ASTN1: variants seen among roughly 807,000 people sequenced by gnomAD.
ASTN1 encodes astrotactin 1.
In ASTN1, 41 loss-of-function variants were observed where a neutral mutation model predicts 140.7. The ratio of observed to expected loss-of-function variants is 0.29; its 90% CI spans 0.23 to 0.38. The LOEUF (loss-of-function observed/expected upper bound fraction) is 0.38, where lower values mean the gene tolerates loss of function less well. Ranked by LOEUF, ASTN1 falls within the 10% of genes least tolerant of loss-of-function variation. ASTN1 has a pLI of 1.00. For synonymous variants in ASTN1, 640 were observed against 652.2 expected (o/e 0.98, Z 0.29); for missense variants, 1,479 against 1,678.8 (o/e 0.88, Z 2.08).
chr1:177,140,030 C>T (rs972216513), intron 1 of ASTN1, among the ~76,000 whole-genome samples: 5 of 152,116 alleles, frequency 3.3e-5, no homozygotes, highest in Admixed American at 1.3e-4. Context: ...CCCCAAACAC[C>T]ACCATTTTGA....
chr1:177,111,321 A>G (rs1385151820), intron 1 of ASTN1, among the ~76,000 whole-genome samples: 1 of 152,160 alleles, frequency 6.6e-6, no homozygotes, highest in Admixed American at 6.5e-5. Context: ...AATGCTGCCA[A>G]TTGAGAGAGG....
intron 16 of ASTN1, among the ~76,000 whole-genome samples, chr1:176,908,320 C>A (rs1332081037): frequency 6.6e-6 from 1 of 152,162 alleles, no homozygotes; most frequent in Non-Finnish European, 1.5e-5. Context: ...CAAATAAGGA[C>A]ATGGTCTATA....
chr1:176,979,930 T>A (rs1055236663), intron 8 of ASTN1, among the ~76,000 whole-genome samples: 1 of 152,154 alleles, frequency 6.6e-6, no homozygotes, highest in Non-Finnish European at 1.5e-5. Context: ...AACACCAGCA[T>A]CAACAATCTT....
chr1:176,892,439 G>A (rs919218730), intron 17 of ASTN1, among the ~76,000 whole-genome samples: 3 of 152,142 alleles, frequency 2.0e-5, no homozygotes, highest in Non-Finnish European at 4.4e-5. Flanking sequence ...TGGGAATGAT[G>A]AGGAAATTCT....
intron 21 of ASTN1, among the ~76,000 whole-genome samples, chr1:176,872,865 C>T (rs114450064): frequency 9.4e-4 from 143 of 152,318 alleles, no homozygotes; most frequent in African/African-American, 3.3e-3. Flanking sequence ...ATTCTACCCT[C>T]TGCACCTCCT....
intron 2 of ASTN1, among the ~76,000 whole-genome samples, chr1:177,048,424 T>G (rs573945681): frequency 5.3e-5 from 8 of 152,122 alleles, no homozygotes; most frequent in African/African-American, 1.4e-4. Flanking sequence ...AAGTAAATAC[T>G]TTTTCCCCCT....
chr1:177,016,897 C>A (rs1675572653), intron 7 of ASTN1, among the ~76,000 whole-genome samples: 1 of 152,164 alleles, frequency 6.6e-6, no homozygotes, highest in Non-Finnish European at 1.5e-5. Context: ...CTTCTGTGGA[C>A]AATTAGCCAT....
In ASTN1 at chr1:177,151,446, G is replaced by A. The variant is rs578039528; in HGVS notation, c.283+12948C>T. ...TTTCTTAAAAAAAAAAAAAGAGAGA[G>A]AGAAAGAAAATTGTTACCCTGAATG... On this transcript the variant is annotated intron_variant, in intron 1 of 22. Transcript: ENST00000361833. Among the ~76,000 whole-genome samples the A allele has an allele frequency of 3.1e-4, 47 of 151,454 alleles. No homozygotes were observed. The South Asian group carries it at 5.2e-3, about 17-fold the overall frequency.
chr1:177,053,245 C>T (rs928668413), intron 2 of ASTN1, among the ~76,000 whole-genome samples: 16 of 152,174 alleles, frequency 1.1e-4, no homozygotes, highest in African/African-American at 3.9e-4. Context: ...ATCAAGTGAA[C>T]TAGATTGCTG....
intron 17 of ASTN1, among the ~76,000 whole-genome samples, chr1:176,893,667 C>T (rs554264963): frequency 6.6e-6 from 1 of 152,318 alleles, no homozygotes; most frequent in South Asian, 2.1e-4. Context: ...TGGATGGGCA[C>T]ACCTCTCAGG....
chr1:177,065,599 A>C (rs1374235617), intron 1 of ASTN1, among the ~76,000 whole-genome samples: 1 of 152,216 alleles, frequency 6.6e-6, no homozygotes, highest in Non-Finnish European at 1.5e-5. Flanking sequence ...TTCCAGATGA[A>C]GAGAACAATG....
intron 8 of ASTN1, among the ~76,000 whole-genome samples, chr1:176,973,151 C>T (rs1673213527): frequency 6.6e-6 from 1 of 152,150 alleles, no homozygotes; most frequent in African/African-American, 2.4e-5. Context: ...CCAATATCTG[C>T]AACCCCTCCC....
intron 8 of ASTN1, among the ~76,000 whole-genome samples, chr1:177,010,313 A>C (rs1209186193): frequency 6.6e-6 from 1 of 152,206 alleles, no homozygotes; most frequent in Non-Finnish European, 1.5e-5. Context: ...CAGTGAATTC[A>C]TACAGGGGAG....
At chr1:177,043,719 G>A (rs926005662) in intron 2 of ASTN1, among the ~76,000 whole-genome samples, 3 of 152,188 alleles carry the variant, frequency 2.0e-5, no homozygotes, top group African/African-American at 4.8e-5. Context: ...GTAGCAAAGG[G>A]AACAGAAGAG....
intron 21 of ASTN1, among the ~76,000 whole-genome samples, chr1:176,876,304 A>G (rs1006230220): frequency 7.9e-5 from 12 of 152,140 alleles, no homozygotes; most frequent in African/African-American, 9.7e-5. Flanking sequence ...AGTGTCTCCT[A>G]TGGGCTCCCT....
intron 20 of ASTN1, among the ~76,000 whole-genome samples, chr1:176,881,986 G>C (rs1165843637): frequency 6.6e-6 from 1 of 152,130 alleles, no homozygotes; most frequent in Non-Finnish European, 1.5e-5. Context: ...GTCCTACAAC[G>C]ACATCACTAT....
chr1:177,030,061 G>A (rs186082257), intron 4 of ASTN1, among the ~76,000 whole-genome samples: 2 of 152,268 alleles, frequency 1.3e-5, no homozygotes, highest in East Asian at 1.9e-4. Context: ...CCTCATTACA[G>A]GTTATGATTC....
chr1:176,867,989 CCTT>C (rs1228874663), intron 22 of ASTN1, among the ~76,000 whole-genome samples: 2 of 151,648 alleles, frequency 1.3e-5, no homozygotes, highest in Admixed American at 6.6e-5. Flanking sequence ...TTTTTTCCTT[CCTT>C]CTTCATTTTC....
intron 16 of ASTN1, among the ~76,000 whole-genome samples, chr1:176,911,046 G>T (rs984101112): frequency 2.0e-5 from 3 of 152,200 alleles, no homozygotes; most frequent in African/African-American, 7.2e-5. Context: ...GTAGCATATT[G>T]TTCCTAGGCT....
Sources: gnomAD v4.1 joint callset for allele counts (sites outside exome capture counted in the v4.1 genomes callset) on GRCh38, gnomAD v4.1.1 for gene constraint, MANE v1.5 for transcripts, NCBI Gene and HGNC (gene_info 2026-07-23, HGNC 2026-07-21) for gene names.